The following GIPR variants were observed in gnomAD, a reference collection of about 807,000 sequenced individuals.
The protein encoded by GIPR is GIP-R.
In GIPR, 74 loss-of-function variants were observed where a neutral mutation model predicts 62.2. The ratio of observed to expected loss-of-function variants is 1.19; its 90% confidence interval spans 0.99 to 1.44. The LOEUF (loss-of-function observed/expected upper bound fraction) is 1.44. Ranked by LOEUF, GIPR falls within the 40% of genes most tolerant of loss-of-function variation. The pLI, the probability that GIPR is intolerant of heterozygous loss-of-function variation, is 0.00. For missense variants in GIPR, 664 were observed against 611.8 expected (o/e 1.09, Z -0.90); for synonymous variants, 256 against 262.2 (o/e 0.98, Z 0.23).
rs1055358508 is a variant in GIPR, at chr19:45,674,828, T to C, written c.633+2T>C. On this transcript the variant is annotated splice_donor_variant, in intron 7 of 13. Transcript: ENST00000590918. LOFTEE classifies it high-confidence loss of function. ...CAGGCCCTTGCGCTGTGGAACCAGG[T>C]GGGCATCCTCCTTCCGTTCCTCCAA... is the stretch of plus-strand genomic sequence containing the variant. 6.2e-7 allele frequency: 1 copy of C among 1,613,778 alleles called. No individual in the cohort carries two copies. The highest frequency in any genetic ancestry group is 8.5e-7 in the Non-Finnish European group (1 of 1,179,792).
chr19:45,676,670 G>A (rs1966940979), intron 7 of GIPR, among the ~76,000 whole-genome samples: 1 of 152,066 alleles, frequency 6.6e-6, no homozygotes, highest in Non-Finnish European at 1.5e-5. Flanking sequence ...CTGACTTCAG[G>A]TGATCCGCCC....
In GIPR at chr19:45,671,285, G is replaced by T; in HGVS notation, c.173G>T (p.Gly58Val). ...ETLAAAEPPS[G>V]LACNGSFDMY... Reference sequence around the variant, plus strand: ...ACCTGGCCCCCGTGCCCACCCCCAGGCCTCGCCTGTAACGGGTCCTTCGAT... The same window carrying T: ...ACCTGGCCCCCGTGCCCACCCCCAGTCCTCGCCTGTAACGGGTCCTTCGAT... Residue 58 changes from glycine (G) to valine (V), a missense_variant and splice_region_variant, in exon 4 of 14, where the codon GGC becomes GTC. By Grantham distance (109) the Gly-to-Val change is moderately radical. Coordinates refer to ENST00000590918, the MANE Select transcript of GIPR (RefSeq NM_000164.4). The T allele has an allele frequency of 6.2e-7, 1 of 1,603,780 alleles. No individual in the cohort carries two copies.
At chr19:45,681,686 A>G (rs1208111779) in intron 13 of GIPR, 41 bp downstream of exon 13, 1 of 1,610,320 alleles carries the variant, frequency 6.2e-7, no homozygotes, top group Admixed American at 1.7e-5. Context: ...CTCTGGCGGC[A>G]GCGCGGGGTA....
At chr19:45,674,918 T>C (rs771117958) in intron 7 of GIPR, 92 bp downstream of exon 7, 25 of 1,227,652 alleles carry the variant, frequency 2.0e-5, no homozygotes, top group Non-Finnish European at 2.9e-5. Context: ...TCCTACACTC[T>C]CCACAGTTTA....
Position 45,676,962 on chromosome 19 carries a change from G to A in GIPR, c.647G>A (p.Cys216Tyr), listed in dbSNP as rs773981009. The A allele has an allele frequency of 6.2e-7, 1 of 1,613,926 alleles. No homozygotes were observed. Among genetic ancestry groups the A allele is most frequent in the South Asian group, 1.1e-5 (1 of 91,088 alleles). The change falls in exon 8 of 14, where the codon TGC (cysteine) becomes TAC (tyrosine). Residue 216 changes from cysteine to tyrosine, a missense_variant. Cys to Tyr is a radical substitution (Grantham distance 194, BLOSUM62 -2). Transcript: ENST00000590918. ...GCCCCTCCCTAGGCCCTCGCTGCCTGCCGCACGGCCCAGATCGTGACCCAG... is the reference window on the plus strand; with the variant it reads ...GCCCCTCCCTAGGCCCTCGCTGCCTACCGCACGGCCCAGATCGTGACCCAG... The part of the protein sequence containing the change: ...LALWNQALAA[C>Y]RTAQIVTQYC...
At chr19:45,677,154 C>A in intron 8 of GIPR, 46 bp downstream of exon 8, 1 of 1,599,980 alleles carries the variant, frequency 6.3e-7, no homozygotes. Context: ...CGCCTCTCCT[C>A]GGCTCCCCCA....
At chr19:45,681,526 A>ACAAT in intron 12 of GIPR, 78 bp from the exon 13 acceptor site, 1 of 1,238,798 alleles carries the variant, frequency 8.1e-7, no homozygotes, top group Non-Finnish European at 1.2e-6. Flanking sequence ...AAACAAACAA[A>ACAAT]AAACGGGGAG....
In GIPR at chr19:45,674,114, C is replaced by T. The variant is rs1368040383; in HGVS notation, c.425C>T (p.Thr142Ile). The T allele has an allele frequency of 7.4e-6, 12 of 1,613,760 alleles. No homozygotes were observed. Among genetic ancestry groups the T allele is most frequent in the Non-Finnish European group, 9.3e-6 (11 of 1,179,656 alleles). ...LILERLQVMY[T>I]VGYSLSLATL... ...TTGGAGCGGTTGCAGGTCATGTACA[C>T]TGTCGGCTACTCCCTGTCTCTCGCC... Residue 142 changes from threonine to isoleucine, a missense_variant, in exon 6 of 14, where the codon ACT (threonine) becomes ATT (isoleucine). Transcript: ENST00000590918.
intron 7 of GIPR, among the ~76,000 whole-genome samples, chr19:45,676,726 G>C (rs1040458168): frequency 6.6e-6 from 1 of 152,234 alleles, no homozygotes; most frequent in Middle Eastern, 3.4e-3. Context: ...GAGCCACCGC[G>C]CCCTACCAGA....
chr19:45,677,165 A>G (rs1966982736), intron 8 of GIPR, 57 bp downstream of exon 8: 12 of 1,578,376 alleles, frequency 7.6e-6, no homozygotes, highest in South Asian at 2.2e-5. Flanking sequence ...GGCTCCCCCA[A>G]CTGCCCTGCT....
Position 45,681,663 on chromosome 19 carries a change from C to T in GIPR, c.1194+18C>T, listed in dbSNP as rs771065731. On this transcript the variant is annotated intron_variant, in intron 13 of 13. Coordinates refer to ENST00000590918, the MANE Select transcript of GIPR (RefSeq NM_000164.4). ...ACAAGGAGGTAGGCAGAGACCCGGC[C>T]GCCGCCCCCGCCCTCTGGCGGCAGC... 5 of 1,612,934 alleles carry T rather than the reference C, an allele frequency of 3.1e-6. No individual in the cohort carries two copies. Among genetic ancestry groups the T allele is most frequent in the Non-Finnish European group, 4.2e-6 (5 of 1,179,392 alleles).
rs1043895916 is a variant in GIPR at position 45,678,502 on chromosome 19, T to G, written c.1152+276T>G. ...CCTCAGCCTCTAGAGTAGCTGGGAT[T>G]ACAGGAATGTGCGACAACACCTGGC... On this transcript the variant is annotated intron_variant, in intron 12 of 13. Coordinates refer to ENST00000590918, the MANE Select transcript of GIPR (RefSeq NM_000164.4). 10 of 504,408 alleles carry G rather than the reference T, an allele frequency of 2.0e-5. 1 individual carries two copies. Among genetic ancestry groups the G allele is most frequent in the African/African-American group, 1.3e-4 (7 of 51,858 alleles). 31.2% of individuals were successfully genotyped at this position (504,408 alleles called of 1,614,324 possible). A position where few individuals can be genotyped will look rare whatever the true frequency, so the allele number is the denominator to read the frequency against.
chr19:45,678,692 C>A lies in GIPR; in HGVS notation c.1152+466C>A, dbSNP rs574868346. ...CATTCATTCGATACAAAATACTGAG[C>A]TAGGACTGTCCTGGGCTGTGGGGAG... On this transcript the variant is annotated intron_variant, in intron 12 of 13. Transcript: ENST00000590918. Among the ~76,000 whole-genome samples, 6 of 152,288 alleles carry A rather than the reference C, an allele frequency of 3.9e-5. No individual in the cohort carries two copies. In the East Asian group the frequency reaches 1.2e-3, roughly 29 times the overall value.
At position 45,682,842 on chromosome 19, in the gene GIPR, C is replaced by G. The variant is rs1470704012; in HGVS notation, c.*907C>G. ...ACAGGCATAAGCCACCATGCCCGGC[C>G]CAAATGGGCTAATGTTTTAAACAGA... On this transcript the variant is annotated 3_prime_UTR_variant, in exon 14 of 14. Transcript: ENST00000590918. 2 of 152,290 alleles carry G rather than the reference C, an allele frequency of 1.3e-5. No homozygotes were observed. Among genetic ancestry groups the G allele is most frequent in the African/African-American group, 4.8e-5 (2 of 41,412 alleles). 9.4% of individuals were successfully genotyped at this position (152,290 alleles called of 1,614,324 possible).
In GIPR at chr19:45,670,593, G is replaced by T. The variant is rs995685418; in HGVS notation, c.73-42G>T. On this transcript the variant is annotated intron_variant, in intron 2 of 13. Coordinates refer to ENST00000590918, the MANE Select transcript of GIPR (RefSeq NM_000164.4). The stretch of plus-strand genomic sequence containing the variant: ...CACATGGACCTAGCAGCCTGGGAGC[G>T]GGGGTCGGTCTGGGGGGGTCCTCCC... 1.4e-6 allele frequency: 2 copies of T among 1,388,910 alleles called. 1 individual carries two copies. Among genetic ancestry groups the T allele is most frequent in the South Asian group, 2.4e-5 (2 of 84,284 alleles). 86.0% of individuals were successfully genotyped at this position (1,388,910 alleles called of 1,614,324 possible).
rs1359352151 is a variant in GIPR at position 45,677,796 on chromosome 19, C to T, written c.924+17C>T. 1 of 1,609,092 alleles carries T rather than the reference C, an allele frequency of 6.2e-7. No homozygotes were observed. The highest frequency in any genetic ancestry group is 1.1e-5 in the South Asian group (1 of 90,956). On this transcript the variant is annotated intron_variant, in intron 10 of 13. Coordinates refer to ENST00000590918, the MANE Select transcript of GIPR (RefSeq NM_000164.4). ...ACCATCTTGGTAGGATCGGTCCCGC[C>T]TCCACCAGGCCGCCCTCAGGGATTT...
rs555716721 is a variant in GIPR, at chr19:45,670,604, T to TG, written c.73-24dup. 1,111 of 1,515,614 alleles carry TG rather than the reference T, an allele frequency of 7.3e-4. 7 individuals carry two copies. In the African/African-American group the frequency reaches 0.013, roughly 18 times the overall value. 93.9% of individuals were successfully genotyped at this position (1,515,614 alleles called of 1,614,324 possible). A position where few individuals can be genotyped will look rare whatever the true frequency, so the allele number is the denominator to read the frequency against. ...AGCAGCCTGGGAGCGGGGGTCGGTC[T>TG]GGGGGGGTCCTCCCTTCTTTCTTTT... On this transcript the variant is annotated intron_variant, in intron 2 of 13. Coordinates refer to ENST00000590918, the MANE Select transcript of GIPR (RefSeq NM_000164.4).
rs1220335228 is a variant in GIPR at position 45,681,860 on chromosome 19, C to G, written c.1326C>G (p.Thr442=). The change falls in exon 14 of 14, where the codon ACC becomes ACG. Residue 442 remains threonine (T), a synonymous_variant. Coordinates refer to ENST00000590918, the MANE Select transcript of GIPR (RefSeq NM_000164.4). The part of the protein sequence containing the change: ...PSGSGPGEVP[T]SRGLSSGTLP... ...GCTCCGGCCCGGGCGAGGTCCCCAC[C>G]AGCCGCGGCTTGTCCTCGGGGACCC... The G allele has an allele frequency of 1.9e-6, 3 of 1,554,376 alleles. No individual in the cohort carries two copies. In the East Asian group the frequency reaches 7.2e-5, roughly 37 times the overall value.
intron 9 of GIPR, 90 bp from the exon 10 acceptor site, chr19:45,677,620 T>C: frequency 1.9e-6 from 2 of 1,029,048 alleles, no homozygotes; most frequent in Admixed American, 1.7e-5. Context: ...TGGTCTCAAG[T>C]GCGGTGGGCG....
Sources: allele counts gnomAD v4.1 joint callset (sites outside exome capture counted in the v4.1 genomes callset), GRCh38; gene constraint gnomAD v4.1.1; transcripts MANE v1.5; gene names NCBI Gene and HGNC (gene_info 2026-07-23, HGNC 2026-07-21).